Variants in SGK3 observed in about 807,000 individuals in gnomAD.
SGK3 encodes serine/threonine-protein kinase Sgk3.
Under a neutral mutation model 68.5 loss-of-function variants are expected in SGK3, and 47 were observed. The observed-to-expected ratio is 0.69, with a 90% CI of 0.54 to 0.87. SGK3 has a LOEUF of 0.87. SGK3 is among the 40% of genes least tolerant of loss of function. The probability of loss-of-function intolerance (pLI) is 0.00; values close to 1 mark genes in which losing one functional copy is unlikely to be tolerated. For synonymous variants in SGK3, 181 were observed against 189.1 expected (o/e 0.96, Z 0.35); for missense variants, 479 against 575.5 (o/e 0.83, Z 1.72).
intron 1 of SGK3, among the ~76,000 whole-genome samples, chr8:66,715,776 C>T (rs950366001): frequency 6.6e-6 from 1 of 151,988 alleles, no homozygotes; most frequent in Non-Finnish European, 1.5e-5. Context: ...AGGTGGATAA[C>T]CTTCAATTAG....
At chr8:66,757,852 T>C (rs895350216) in intron 1 of SGK3, among the ~76,000 whole-genome samples, 1 of 147,484 alleles carries the variant, frequency 6.8e-6, no homozygotes, top group Non-Finnish European at 1.5e-5. Flanking sequence ...AAGGTGGAGG[T>C]TGTAGTGAGC....
intron 10 of SGK3, among the ~76,000 whole-genome samples, chr8:66,839,558 T>TGTATA (rs57094416): frequency 1.0e-5 from 1 of 98,120 alleles, no homozygotes; most frequent in Non-Finnish European, 1.9e-5. Context: ...TATATATATA[T>TGTATA]TTTCATATGG....
intron 1 of SGK3, among the ~76,000 whole-genome samples, chr8:66,723,114 TATATATATATATA>T (rs1174857423): frequency 0.01 from 562 of 53,772 alleles, 36 homozygotes; most frequent in African/African-American, 0.03. Flanking sequence ...TATATATATA[TATATATATATATA>T]TATATTTTTT....
intron 1 of SGK3, among the ~76,000 whole-genome samples, chr8:66,759,445 T>C (rs908526384): frequency 2.6e-5 from 4 of 151,384 alleles, no homozygotes; most frequent in Admixed American, 1.3e-4. Flanking sequence ...TCTCTTTTTT[T>C]TTTTGAGACA....
intron 3 of SGK3, among the ~76,000 whole-genome samples, chr8:66,800,223 C>A (rs1443505339): frequency 6.6e-6 from 1 of 151,450 alleles, no homozygotes; most frequent in Non-Finnish European, 1.5e-5. Context: ...CGCCTGTAGT[C>A]CCAGCTACTT....
chr8:66,808,079 T>TA (rs2130624363), intron 4 of SGK3, among the ~76,000 whole-genome samples: 1 of 152,014 alleles, frequency 6.6e-6, no homozygotes, highest in Non-Finnish European at 1.5e-5. Flanking sequence ...GAAGAATAAA[T>TA]AAAAAACTAA....
chr8:66,729,984 C>T (rs1805100360), intron 1 of SGK3, among the ~76,000 whole-genome samples: 1 of 152,066 alleles, frequency 6.6e-6, no homozygotes, highest in Non-Finnish European at 1.5e-5. Context: ...TCAGGTGATC[C>T]ACCTGCCTTG....
intron 14 of SGK3, among the ~76,000 whole-genome samples, chr8:66,845,089 T>C (rs1217864839): frequency 6.6e-6 from 1 of 152,228 alleles, no homozygotes; most frequent in Non-Finnish European, 1.5e-5. Context: ...AATCAAACTT[T>C]TATTGTTTTA....
intron 6 of SGK3, among the ~76,000 whole-genome samples, chr8:66,824,003 G>A (rs1181809471): frequency 6.6e-6 from 1 of 152,046 alleles, no homozygotes; most frequent in Non-Finnish European, 1.5e-5. Context: ...TGATTTAAAA[G>A]ATAATATGGT....
chr8:66,746,775 A>G (rs1241184676), intron 1 of SGK3, among the ~76,000 whole-genome samples: 1 of 151,582 alleles, frequency 6.6e-6, no homozygotes, highest in Non-Finnish European at 1.5e-5. Context: ...TGCCCAGGCT[A>G]GTTTTGAACT....
intron 10 of SGK3, among the ~76,000 whole-genome samples, chr8:66,839,356 C>T (rs1316576059): frequency 6.7e-6 from 1 of 149,948 alleles, no homozygotes; most frequent in Non-Finnish European, 1.5e-5. Context: ...GAAGTGTAGG[C>T]CTAATGGTCC....
chr8:66,808,945 C>T (rs1261648459), intron 4 of SGK3, among the ~76,000 whole-genome samples: 2 of 152,124 alleles, frequency 1.3e-5, no homozygotes, highest in African/African-American at 4.8e-5. Flanking sequence ...TCTCGGCCCA[C>T]CACAACCTCC....
At chr8:66,719,074 C>G (rs1052878178) in intron 1 of SGK3, among the ~76,000 whole-genome samples, 1 of 151,862 alleles carries the variant, frequency 6.6e-6, no homozygotes, top group Non-Finnish European at 1.5e-5. Flanking sequence ...GAGACCCTAT[C>G]CCCCCCAATA....
rs554227567 is a variant in SGK3 at position 66,734,630 on chromosome 8, T to C, written c.-122+21797T>C. ...ATAGTGTTGCTTTCTGCAGTTCAGT[T>C]ACTGGAGGTCAACTGTTGTCAAAAG... On this transcript the variant is annotated intron_variant, in intron 1 of 16. Transcript: ENST00000521198. Among the ~76,000 whole-genome samples the C allele has an allele frequency of 7.2e-4, 110 of 152,250 alleles. 1 individual carries two copies. Among genetic ancestry groups the C allele is most frequent in the African/African-American group, 2.6e-3 (108 of 41,524 alleles).
At position 66,833,555 on chromosome 8, in the gene SGK3, A is replaced by G. The variant is rs141692872; in HGVS notation, c.526-2208A>G. 1.3e-3 allele frequency among the ~76,000 whole-genome samples: 204 copies of G among 152,342 alleles called. 1 individual carries two copies. The highest frequency in any genetic ancestry group is 4.8e-3 in the African/African-American group (198 of 41,576). On this transcript the variant is annotated intron_variant, in intron 8 of 16. Transcript: ENST00000521198. ...GAAATTCTATTTGAATTTGATTGGG[A>G]TGGCATTGACTCTGTAGATCAATTT...
intron 1 of SGK3, among the ~76,000 whole-genome samples, chr8:66,736,353 A>C (rs561233875): frequency 1.2e-4 from 19 of 152,316 alleles, no homozygotes; most frequent in Non-Finnish European, 1.9e-4. Context: ...ATTTTAAGTC[A>C]TCTAGATATG....
At chr8:66,723,715 G>A (rs779849863) in intron 1 of SGK3, among the ~76,000 whole-genome samples, 3 of 152,150 alleles carry the variant, frequency 2.0e-5, no homozygotes, top group African/African-American at 7.2e-5. Context: ...AATGTGCTGG[G>A]ATTATAGGCA....
intron 16 of SGK3, among the ~76,000 whole-genome samples, chr8:66,853,794 C>A (rs1271193299): frequency 6.6e-6 from 1 of 152,112 alleles, no homozygotes; most frequent in African/African-American, 2.4e-5. Flanking sequence ...CTCTCAGCAG[C>A]TGATAGAGAA....
chr8:66,828,737 T>A, intron 7 of SGK3, 34 bp downstream of exon 7: 1 of 1,611,286 alleles, frequency 6.2e-7, no homozygotes, highest in African/African-American at 1.3e-5. Flanking sequence ...ATTTTTTAAC[T>A]GAATTTTAGG....
Sources: allele counts gnomAD v4.1 joint callset (sites outside exome capture counted in the v4.1 genomes callset), GRCh38; gene constraint gnomAD v4.1.1; transcripts MANE v1.5; gene names NCBI Gene and HGNC (gene_info 2026-07-23, HGNC 2026-07-21).